Variants in NKAIN2 observed in about 807,000 individuals in gnomAD.
NKAIN2 encodes the protein sodium/potassium-transporting ATPase subunit beta-1-interacting protein 2.
In NKAIN2, 14 loss-of-function variants were observed where a neutral mutation model predicts 32.6. That is an observed-to-expected ratio of 0.43 (90% CI 0.28 to 0.67). The LOEUF is 0.67. Among genes scored for constraint, NKAIN2 ranks in the 30% least tolerant of loss-of-function variants. The pLI, the probability that NKAIN2 is intolerant of heterozygous loss-of-function variation, is 0.17. For synonymous variants in NKAIN2, 80 were observed against 87.2 expected, an observed-to-expected ratio of 0.92 and a Z score of 0.46; for missense variants, 198 against 258.3, an observed-to-expected ratio of 0.77 and a Z score of 1.60.
At chr6:124,267,150 A>C (rs1285818086) in intron 1 of NKAIN2, among the ~76,000 whole-genome samples, 2 of 151,664 alleles carry the variant, frequency 1.3e-5, no homozygotes, top group Non-Finnish European at 2.9e-5. Flanking sequence ...AGAACAGTGC[A>C]GCTCTAGAAC....
At chr6:124,810,784 C>CTAA (rs932184856) in intron 5 of NKAIN2, among the ~76,000 whole-genome samples, 14 of 152,144 alleles carry the variant, frequency 9.2e-5, no homozygotes, top group African/African-American at 3.4e-4. Flanking sequence ...GGTGATTTAG[C>CTAA]TAATAAGTCT....
chr6:124,626,046 A>C (rs1012474424), intron 3 of NKAIN2, among the ~76,000 whole-genome samples: 1 of 148,962 alleles, frequency 6.7e-6, no homozygotes, highest in African/African-American at 2.5e-5. Context: ...GCACCCATTA[A>C]CTCGTCATTT....
intron 1 of NKAIN2, among the ~76,000 whole-genome samples, chr6:124,139,244 G>A (rs1428200547): frequency 1.3e-5 from 2 of 148,670 alleles, no homozygotes; most frequent in Non-Finnish European, 3.0e-5. Context: ...GCCCGCCACC[G>A]CGCCCGGCTA....
intron 3 of NKAIN2, among the ~76,000 whole-genome samples, chr6:124,410,232 C>G (rs1368927840): frequency 1.3e-5 from 2 of 152,070 alleles, no homozygotes; most frequent in Admixed American, 1.3e-4. Context: ...TTGCCTTCTG[C>G]TAGCTTTTGA....
chr6:124,216,827 GAAACCT>G (rs1437084881), intron 1 of NKAIN2, among the ~76,000 whole-genome samples: 2 of 152,126 alleles, frequency 1.3e-5, no homozygotes, highest in Non-Finnish European at 2.9e-5. Context: ...GAGGCTCACA[GAAACCT>G]AACCCTATAT....
At chr6:124,467,027 G>A (rs985731739) in intron 3 of NKAIN2, among the ~76,000 whole-genome samples, 4 of 151,988 alleles carry the variant, frequency 2.6e-5, no homozygotes, top group Admixed American at 1.3e-4. Context: ...AGTAACCGTA[G>A]GATAGGCTGC....
chr6:124,322,323 A>G (rs1456635938), intron 2 of NKAIN2, among the ~76,000 whole-genome samples: 4 of 152,198 alleles, frequency 2.6e-5, no homozygotes, highest in African/African-American at 9.6e-5. Context: ...AATTAGATTT[A>G]TAGGAAGTTG....
chr6:124,633,827 A>G (rs1783667201), intron 3 of NKAIN2, among the ~76,000 whole-genome samples: 2 of 152,184 alleles, frequency 1.3e-5, no homozygotes, highest in Non-Finnish European at 2.9e-5. Context: ...TACTACCACC[A>G]GCAACCTTGC....
intron 3 of NKAIN2, among the ~76,000 whole-genome samples, chr6:124,549,459 A>G (rs1780210542): frequency 1.3e-5 from 2 of 152,188 alleles, no homozygotes; most frequent in African/African-American, 2.4e-5. Flanking sequence ...CAGAGTTCCC[A>G]TATTCCTTTT....
chr6:123,961,778 TTGTTAA>T (rs1324031741), intron 1 of NKAIN2, among the ~76,000 whole-genome samples: 3 of 152,202 alleles, frequency 2.0e-5, no homozygotes, highest in South Asian at 2.1e-4. Flanking sequence ...ACTTCTTACG[TTGTTAA>T]TGTTAATTTG....
intron 1 of NKAIN2, among the ~76,000 whole-genome samples, chr6:123,991,974 A>G (rs1779433058): frequency 1.3e-5 from 2 of 152,146 alleles, no homozygotes; most frequent in African/African-American, 4.8e-5. Flanking sequence ...GTTAAAAAAA[A>G]AGTTTCAGGG....
chr6:124,643,131 T>C (rs1003291657), intron 3 of NKAIN2, among the ~76,000 whole-genome samples: 1 of 152,168 alleles, frequency 6.6e-6, no homozygotes, highest in Admixed American at 6.5e-5. Flanking sequence ...TTGTAATAAC[T>C]CTTGGCTTAT....
At chr6:124,565,680 G>C (rs1050350893) in intron 3 of NKAIN2, among the ~76,000 whole-genome samples, 3 of 152,152 alleles carry the variant, frequency 2.0e-5, no homozygotes, top group African/African-American at 7.2e-5. Flanking sequence ...ATTTGGCCTT[G>C]TGTGGGCTCT....
At chr6:124,265,809 C>T (rs1794469068) in intron 1 of NKAIN2, among the ~76,000 whole-genome samples, 1 of 152,178 alleles carries the variant, frequency 6.6e-6, no homozygotes, top group Non-Finnish European at 1.5e-5. Flanking sequence ...AGTATAACAC[C>T]TGGGTGATGT....
intron 1 of NKAIN2, among the ~76,000 whole-genome samples, chr6:124,160,068 G>A (rs976591202): frequency 3.9e-5 from 6 of 152,086 alleles, no homozygotes; most frequent in African/African-American, 1.2e-4. Flanking sequence ...GGAAGATGTG[G>A]GATAAACCCT....
At chr6:124,084,766 C>G (rs938992724) in intron 1 of NKAIN2, among the ~76,000 whole-genome samples, 1 of 151,752 alleles carries the variant, frequency 6.6e-6, no homozygotes, top group African/African-American at 2.4e-5. Context: ...TTTAATCACT[C>G]AAGAATCTTT....
At chr6:123,931,835 A>G (rs2114522537) in intron 1 of NKAIN2, among the ~76,000 whole-genome samples, 1 of 152,272 alleles carries the variant, frequency 6.6e-6, no homozygotes, top group African/African-American at 2.4e-5. Context: ...ACTCTGCCCA[A>G]CCAATGCACA....
intron 1 of NKAIN2, among the ~76,000 whole-genome samples, chr6:123,852,283 C>CT (rs35780180): frequency 0.58 from 87,993 of 151,196 alleles, 25,734 homozygotes; most frequent in East Asian, 0.75. Context: ...TCACAAACTT[C>CT]TTTTTTTTTG....
intron 3 of NKAIN2, among the ~76,000 whole-genome samples, chr6:124,365,670 T>TA (rs934197955): frequency 4.0e-4 from 61 of 151,820 alleles, no homozygotes; most frequent in Middle Eastern, 3.2e-3. Flanking sequence ...ATAAAACAGT[T>TA]AAAAAACTTG....
Sources: gnomAD v4.1 joint callset for allele counts (sites outside exome capture counted in the v4.1 genomes callset) on GRCh38, gnomAD v4.1.1 for gene constraint, MANE v1.5 for transcripts, NCBI Gene and HGNC (gene_info 2026-07-23, HGNC 2026-07-21) for gene names.